The following AADAT variants were observed in gnomAD, a reference collection of about 807,000 sequenced individuals.
The protein encoded by AADAT is kynurenine/alpha-aminoadipate aminotransferase, mitochondrial.
A neutral mutation model predicts 56.2 loss-of-function variants in AADAT; 25 were observed. The observed-to-expected ratio is 0.44, with a 90% CI of 0.32 to 0.62. The LOEUF (loss-of-function observed/expected upper bound fraction) is 0.62. Among genes scored for constraint, AADAT ranks in the 20% least tolerant of loss-of-function variants. AADAT has a pLI of 0.04. For missense variants in AADAT, 387 were observed against 510.5 expected, an observed-to-expected ratio of 0.76 and a Z score of 2.33; for synonymous variants, 173 against 164.7, an observed-to-expected ratio of 1.05 and a Z score of -0.39.
chr4:170,075,730 T>G (rs1264196585), intron 4 of AADAT, among the ~76,000 whole-genome samples: 1 of 152,212 alleles, frequency 6.6e-6, no homozygotes, highest in Admixed American at 6.5e-5. Context: ...TCTGTACCTA[T>G]TAATCAATAA....
intron 4 of AADAT, among the ~76,000 whole-genome samples, chr4:170,074,024 G>A (rs1464270448): frequency 6.6e-6 from 1 of 152,094 alleles, no homozygotes. Flanking sequence ...TTCAGATAGA[G>A]ATTGCTTCTG....
intron 3 of AADAT, among the ~76,000 whole-genome samples, chr4:170,083,753 G>A (rs1162876634): frequency 6.6e-6 from 1 of 152,114 alleles, no homozygotes; most frequent in African/African-American, 2.4e-5. Context: ...GCTGATGAGG[G>A]TAGAGAAAGG....
intron 5 of AADAT, among the ~76,000 whole-genome samples, chr4:170,070,867 A>G: frequency 6.6e-6 from 1 of 152,214 alleles, no homozygotes; most frequent in Non-Finnish European, 1.5e-5. Context: ...CAGAATATAC[A>G]TAAGCCTGTG....
intron 3 of AADAT, among the ~76,000 whole-genome samples, chr4:170,085,181 T>C (rs1732496098): frequency 6.6e-6 from 1 of 152,348 alleles, no homozygotes; most frequent in South Asian, 2.1e-4. Flanking sequence ...GACTATATTA[T>C]CAGTAAGGCT....
At chr4:170,064,078 TA>T (rs1205727222) in intron 11 of AADAT, among the ~76,000 whole-genome samples, 3 of 152,164 alleles carry the variant, frequency 2.0e-5, no homozygotes, top group Non-Finnish European at 4.4e-5. Context: ...CAAAATACTG[TA>T]AGAACAAGCT....
chr4:170,074,387 T>A (rs760861303), intron 4 of AADAT, among the ~76,000 whole-genome samples: 5 of 151,980 alleles, frequency 3.3e-5, no homozygotes, highest in Non-Finnish European at 7.4e-5. Flanking sequence ...AGCCTCAGTA[T>A]CTTTTGTTGA....
Position 170,060,936 on chromosome 4 carries a change from A to T in AADAT, c.1270T>A (p.Ser424Thr). The T allele has an allele frequency of 6.5e-7, 1 of 1,543,018 alleles. No individual in the cohort carries two copies. The highest frequency in any genetic ancestry group is 8.7e-7 in the Non-Finnish European group (1 of 1,144,034). ...FQVLAQLIKE[S>T]L ...AACCTAGTTTAATTTCTTCATAAAG[A>T]TTCTTTTATAAGTTGTGCTAATACC... Residue 424 changes from serine to threonine, a missense_variant, in exon 13 of 13, where the codon TCT becomes ACT. Ser to Thr is a moderately conservative substitution (Grantham distance 58, BLOSUM62 1). Coordinates refer to ENST00000337664, the MANE Select transcript of AADAT (RefSeq NM_016228.4).
At position 170,080,918 on chromosome 4, in the gene AADAT, A is replaced by T. The variant is rs181358427; in HGVS notation, c.370-2335T>A. On this transcript the variant is annotated intron_variant, in intron 3 of 12. Transcript: ENST00000337664. ...GTATACATACAAGAAACAATAGCCA[A>T]CAGGAAACCATGACCTCCCCAAAAT... is the stretch of plus-strand genomic sequence containing the variant. Among the ~76,000 whole-genome samples, 6 of 152,344 alleles carry T rather than the reference A, an allele frequency of 3.9e-5. No homozygotes were observed. In the East Asian group the frequency reaches 9.6e-4, roughly 24 times the overall value.
At chr4:170,068,568 T>A in intron 8 of AADAT, 23 bp downstream of exon 8, 1 of 1,417,330 alleles carries the variant, frequency 7.1e-7, no homozygotes. Flanking sequence ...AAAAAAAAAA[T>A]CGATTTCCTA....
intron 3 of AADAT, among the ~76,000 whole-genome samples, chr4:170,079,704 A>G (rs528541648): frequency 1.2e-3 from 190 of 152,282 alleles, no homozygotes; most frequent in African/African-American, 4.5e-3. Context: ...TGGTTATGGA[A>G]CTAGATAGAT....
rs1339110095 is a variant in AADAT, at chr4:170,088,549, C to T, written c.83G>A (p.Arg28Lys). ...CAAGGAGATCATCGATTTTGGTCCT[C>T]TGCTCAATATGTCAGCTACAATACA... is the stretch of plus-strand genomic sequence containing the variant. ...PIRTMTDILS[R>K]GPKSMISLAG... Residue 28 changes from arginine to lysine, a missense_variant, in exon 2 of 13, where the codon AGA becomes AAA. Physicochemically the swap from Arg to Lys is conservative, Grantham distance 26 (BLOSUM62 2). Coordinates refer to ENST00000337664, the MANE Select transcript of AADAT (RefSeq NM_016228.4). 2 of 1,612,502 alleles carry T rather than the reference C, an allele frequency of 1.2e-6. No individual in the cohort carries two copies. Among genetic ancestry groups the T allele is most frequent in the Middle Eastern group, 1.7e-4 (1 of 6,058 alleles).
chr4:170,076,389 T>C (rs1732034499), intron 4 of AADAT, among the ~76,000 whole-genome samples: 1 of 152,118 alleles, frequency 6.6e-6, no homozygotes, highest in South Asian at 2.1e-4. Flanking sequence ...CAGTCACACA[T>C]TGTAGAGTAC....
Position 170,089,774 on chromosome 4 carries a change from T to G in AADAT, c.-84A>C. 7.1e-7 allele frequency: 1 copy of G among 1,412,160 alleles called. No homozygotes were observed. The highest frequency in any genetic ancestry group is 9.9e-7 in the Non-Finnish European group (1 of 1,009,658). 87.5% of individuals were successfully genotyped at this position (1,412,160 alleles called of 1,614,324 possible). A position where few individuals can be genotyped will look rare whatever the true frequency, so the allele number is the denominator to read the frequency against. ...AAGAGCCTCGTCAAGTCCTGCCTGC[T>G]AACTCCTCACTCTGGCAACGCCACC... On this transcript the variant is annotated 5_prime_UTR_variant, in exon 1 of 13. Coordinates refer to ENST00000337664, the MANE Select transcript of AADAT (RefSeq NM_016228.4).
chr4:170,071,870 C>T (rs1731781728), intron 5 of AADAT, among the ~76,000 whole-genome samples: 1 of 151,964 alleles, frequency 6.6e-6, no homozygotes, highest in South Asian at 2.1e-4. Flanking sequence ...GAGGGAACGA[C>T]AGGAATAAAG....
chr4:170,073,095 A>G (rs1731852550), intron 5 of AADAT, 41 bp downstream of exon 5: 2 of 1,588,422 alleles, frequency 1.3e-6, no homozygotes, highest in Non-Finnish European at 8.6e-7. Flanking sequence ...AGTCACAGAG[A>G]AACAGGAACA....
chr4:170,064,267 G>C (rs1731337599), intron 11 of AADAT, among the ~76,000 whole-genome samples: 1 of 152,140 alleles, frequency 6.6e-6, no homozygotes, highest in Non-Finnish European at 1.5e-5. Context: ...TACTTACTGA[G>C]CACTGAGTAT....
upstream of AADAT, chr4:170,090,143 C>T (rs1032433490): frequency 2.0e-5 from 3 of 152,298 alleles, no homozygotes; most frequent in Non-Finnish European, 4.4e-5. Context: ...TGACTCTTGA[C>T]CTCGCCGCTG....
chr4:170,074,961 G>A (rs1487674673), intron 4 of AADAT, among the ~76,000 whole-genome samples: 1 of 152,164 alleles, frequency 6.6e-6, no homozygotes, highest in African/African-American at 2.4e-5. Flanking sequence ...GCAGTCAAAT[G>A]TAGAATTACG....
chr4:170,080,353 GCTTCTACA>G (rs997939323), intron 3 of AADAT, among the ~76,000 whole-genome samples: 4 of 152,010 alleles, frequency 2.6e-5, no homozygotes, highest in Admixed American at 2.6e-4. Flanking sequence ...CTAATTCACG[GCTTCTACA>G]CTGGAAAAAG....
Sources: allele counts gnomAD v4.1 joint callset (sites outside exome capture counted in the v4.1 genomes callset), GRCh38; gene constraint gnomAD v4.1.1; transcripts MANE v1.5; gene names NCBI Gene and HGNC (gene_info 2026-07-23, HGNC 2026-07-21).